Variants in THRB observed in about 807,000 individuals in gnomAD.
The protein encoded by THRB is thyroid hormone receptor beta, also known as nuclear receptor subfamily 1 group A member 2.
In THRB, 12 loss-of-function variants were observed where a neutral mutation model predicts 47.8. The observed-to-expected ratio is 0.25, with a 90% CI of 0.16 to 0.41. The LOEUF (loss-of-function observed/expected upper bound fraction) is 0.41. Ranked by LOEUF, THRB falls within the 10% of genes least tolerant of loss-of-function variation. The pLI is 1.00. For synonymous variants in THRB, 218 were observed against 212.2 expected (o/e 1.03, Z -0.24); for missense variants, 348 against 589.2 (o/e 0.59, Z 4.24).
intron 3 of THRB, among the ~76,000 whole-genome samples, chr3:24,255,929 T>G (rs968939547): frequency 6.6e-6 from 1 of 152,308 alleles, no homozygotes; most frequent in East Asian, 1.9e-4. Context: ...AAGCCTTCAT[T>G]GTCATATAGA....
intron 1 of THRB, among the ~76,000 whole-genome samples, chr3:24,408,931 G>C (rs1291033385): frequency 1.3e-5 from 2 of 151,782 alleles, no homozygotes; most frequent in Non-Finnish European, 2.9e-5. Flanking sequence ...TTCCATCAAT[G>C]CTGCAAAAAT....
intron 1 of THRB, among the ~76,000 whole-genome samples, chr3:24,358,849 T>C (rs73825624): frequency 0.071 from 10,737 of 152,204 alleles, 1,175 homozygotes; most frequent in African/African-American, 0.24. Context: ...GGTCAGATTA[T>C]AATATAGATT....
At chr3:24,250,124 A>C (rs894273267) in intron 3 of THRB, among the ~76,000 whole-genome samples, 2 of 152,208 alleles carry the variant, frequency 1.3e-5, no homozygotes, top group Admixed American at 6.5e-5. Context: ...TCCAGAAAGA[A>C]GAAATTAAAA....
chr3:24,404,813 T>C (rs557135265), intron 1 of THRB, among the ~76,000 whole-genome samples: 1 of 151,986 alleles, frequency 6.6e-6, no homozygotes. Flanking sequence ...ATCAAATAAT[T>C]TGAGGACTGC....
At chr3:24,353,013 A>G (rs2063454364) in intron 1 of THRB, among the ~76,000 whole-genome samples, 1 of 152,062 alleles carries the variant, frequency 6.6e-6, no homozygotes, top group African/African-American at 2.4e-5. Flanking sequence ...AATTTTGTCG[A>G]TTTTCTCTTT....
intron 2 of THRB, among the ~76,000 whole-genome samples, chr3:24,314,766 T>C (rs1193884639): frequency 6.6e-6 from 1 of 152,192 alleles, no homozygotes; most frequent in African/African-American, 2.4e-5. Flanking sequence ...AGCCATTCTT[T>C]GGAACATATT....
chr3:24,433,534 C>T (rs891728135), intron 1 of THRB, among the ~76,000 whole-genome samples: 3 of 152,182 alleles, frequency 2.0e-5, no homozygotes, highest in South Asian at 2.1e-4. Flanking sequence ...TCTGCAGACC[C>T]TTTGACTTCA....
At chr3:24,146,606 G>T in intron 7 of THRB, 69 bp downstream of exon 7, 1 of 1,545,614 alleles carries the variant, frequency 6.5e-7, no homozygotes, top group Non-Finnish European at 8.9e-7. Flanking sequence ...CTGCCCAGTC[G>T]ATCTCCTTGA....
At chr3:24,221,152 C>G (rs945084538) in intron 4 of THRB, among the ~76,000 whole-genome samples, 1 of 152,230 alleles carries the variant, frequency 6.6e-6, no homozygotes, top group Non-Finnish European at 1.5e-5. Context: ...GCGCCTGGGA[C>G]TTTTCAGATG....
intron 3 of THRB, among the ~76,000 whole-genome samples, chr3:24,235,573 T>G (rs568834172): frequency 3.9e-5 from 6 of 152,150 alleles, no homozygotes; most frequent in Non-Finnish European, 8.8e-5. Flanking sequence ...CTTCAGCAGG[T>G]GCTTCATGGG....
chr3:24,269,504 T>G (rs1371554646), intron 3 of THRB, among the ~76,000 whole-genome samples: 1 of 152,096 alleles, frequency 6.6e-6, no homozygotes, highest in East Asian at 1.9e-4. Flanking sequence ...TATCTCACTA[T>G]GGCCTCAACC....
chr3:24,477,869 C>T (rs1695728237), intron 1 of THRB, among the ~76,000 whole-genome samples: 1 of 150,382 alleles, frequency 6.6e-6, no homozygotes, highest in Non-Finnish European at 1.5e-5. Context: ...TTTCTGACTG[C>T]TTGAAAGCTA....
At chr3:24,275,416 A>T (rs1354360286) in intron 3 of THRB, among the ~76,000 whole-genome samples, 1 of 152,194 alleles carries the variant, frequency 6.6e-6, no homozygotes, top group African/African-American at 2.4e-5. Flanking sequence ...TTTCTTAAAA[A>T]TTCTCTGCTT....
chr3:24,164,583 T>C (rs535895189), intron 5 of THRB, among the ~76,000 whole-genome samples: 1 of 152,294 alleles, frequency 6.6e-6, no homozygotes, highest in South Asian at 2.1e-4. Flanking sequence ...ACTAAATATT[T>C]TACTAGTTAA....
At chr3:24,426,619 C>A (rs73825641) in intron 1 of THRB, among the ~76,000 whole-genome samples, 51 of 152,060 alleles carry the variant, frequency 3.4e-4, no homozygotes, top group African/African-American at 1.2e-3. Flanking sequence ...TTTCCTCTCA[C>A]AAAGCAGAAC....
At chr3:24,259,280 T>G (rs954724007) in intron 3 of THRB, among the ~76,000 whole-genome samples, 1 of 152,152 alleles carries the variant, frequency 6.6e-6, no homozygotes, top group Non-Finnish European at 1.5e-5. Flanking sequence ...AGCAAGTAGG[T>G]GGCGGCATTT....
At chr3:24,418,094 GTGT>G (rs905549887) in intron 1 of THRB, among the ~76,000 whole-genome samples, 1 of 151,254 alleles carries the variant, frequency 6.6e-6, no homozygotes, top group African/African-American at 2.4e-5. Context: ...TATCAACTTA[GTGT>G]TGTTTAATTA....
chr3:24,316,558 C>T, intron 2 of THRB, among the ~76,000 whole-genome samples: 1 of 150,410 alleles, frequency 6.6e-6, no homozygotes, highest in Non-Finnish European at 1.5e-5. Flanking sequence ...ACCTGATGCC[C>T]CTAGAGTCTA....
In THRB at chr3:24,262,841, A is replaced by AT. The variant is rs1174113099; in HGVS notation, c.-42-33841dup. Among the ~76,000 whole-genome samples, 32 of 151,694 alleles carry AT rather than the reference A, an allele frequency of 2.1e-4. No homozygotes were observed. In the East Asian group the frequency reaches 5.2e-3, roughly 25 times the overall value. On this transcript the variant is annotated intron_variant, in intron 3 of 10. Coordinates refer to ENST00000646209, the MANE Select transcript of THRB (RefSeq NM_001354712.2). ...AGACGGTAAACACCATGAGGAAGGG[A>AT]TTTTTTTATTTTTTTTTCTATTTTG...
Sources: allele counts gnomAD v4.1 joint callset (sites outside exome capture counted in the v4.1 genomes callset), GRCh38; gene constraint gnomAD v4.1.1; transcripts MANE v1.5; gene names NCBI Gene and HGNC (gene_info 2026-07-23, HGNC 2026-07-21).